The following LYRM4 variants were observed in gnomAD, a reference collection of about 807,000 sequenced individuals.
LYRM4 encodes the protein LYR motif-containing protein 4.
In LYRM4, 9 loss-of-function variants were observed where a neutral mutation model predicts 11.7. That is an observed-to-expected ratio of 0.77 (90% CI 0.46 to 1.34). The LOEUF is 1.34. Ranked by LOEUF, LYRM4 falls within the 40% of genes most tolerant of loss-of-function variation. LYRM4 has a pLI of 0.00. For synonymous variants in LYRM4, 42 were observed against 40.4 expected (o/e 1.04, Z -0.15); for missense variants, 133 against 112.5 (o/e 1.18, Z -0.82).
chr6:5,072,418 G>T, the LYRM4 span, among the ~76,000 whole-genome samples: 3 of 152,018 alleles, frequency 2.0e-5, no homozygotes, highest in Admixed American at 6.6e-5. Context: ...TTCCACAATG[G>T]TTAAACTAAT....
At chr6:5,135,606 G>C (rs907969490) in intron 2 of LYRM4, among the ~76,000 whole-genome samples, 1 of 152,048 alleles carries the variant, frequency 6.6e-6, no homozygotes, top group African/African-American at 2.4e-5. Flanking sequence ...TCCCTAGGTG[G>C]TGTTCATTTC....
chr6:5,240,967 G>A (rs1763842821), intron 1 of LYRM4, among the ~76,000 whole-genome samples: 2 of 152,314 alleles, frequency 1.3e-5, no homozygotes, highest in Non-Finnish European at 2.9e-5. Context: ...CTGAACCAAC[G>A]TGGAATACGG....
At position 5,108,639 on chromosome 6, in the gene LYRM4, G is replaced by T; in HGVS notation, c.*784C>A. On this transcript the variant is annotated 3_prime_UTR_variant, in exon 3 of 3. Coordinates refer to ENST00000330636, the MANE Select transcript of LYRM4 (RefSeq NM_020408.6). Reference sequence around the variant, plus strand: ...TCCAGGTGCTTCTGTCCACCAGCCAGATTTGGGCACCGGTGCTGCCCAGCA... The same window carrying T: ...TCCAGGTGCTTCTGTCCACCAGCCATATTTGGGCACCGGTGCTGCCCAGCA... 1 of 456,026 alleles carries T rather than the reference G, an allele frequency of 2.2e-6. No homozygotes were observed. Among genetic ancestry groups the T allele is most frequent in the Non-Finnish European group, 2.9e-6 (1 of 345,736 alleles). 28.2% of individuals were successfully genotyped at this position (456,026 alleles called of 1,614,324 possible).
rs890828988 is a variant in LYRM4, at chr6:5,143,468, CAAT to C, written c.208-33980_208-33978del. Among the ~76,000 whole-genome samples, 61 of 152,308 alleles carry C rather than the reference CAAT, an allele frequency of 4.0e-4. 1 individual carries two copies. The highest frequency in any genetic ancestry group is 1.3e-3 in the African/African-American group (56 of 41,564). Reference sequence around the variant, plus strand: ...ACAGACATCGGGAGGTTGACAGACACAATAACAGGACCTATTATAAAGACAAAC... The same window carrying C: ...ACAGACATCGGGAGGTTGACAGACACAACAGGACCTATTATAAAGACAAAC... On this transcript the variant is annotated intron_variant, in intron 2 of 2. Transcript: ENST00000330636.
intron 2 of LYRM4, among the ~76,000 whole-genome samples, chr6:5,197,743 C>T (rs1455552118): frequency 2.6e-5 from 4 of 152,008 alleles, no homozygotes; most frequent in African/African-American, 4.8e-5. Context: ...TTTGGAGGAC[C>T]TGAGCAAAGT....
In LYRM4 at chr6:5,195,155, C is replaced by T. The variant is rs1760977346; in HGVS notation, c.207+21463G>A. Among the ~76,000 whole-genome samples, 5 of 152,318 alleles carry T rather than the reference C, an allele frequency of 3.3e-5. No individual in the cohort carries two copies. In the South Asian group the frequency reaches 1.0e-3, roughly 32 times the overall value. On this transcript the variant is annotated intron_variant, in intron 2 of 2. Coordinates refer to ENST00000330636, the MANE Select transcript of LYRM4 (RefSeq NM_020408.6). Reference sequence around the variant, plus strand: ...TCCTACCTTTCATTCTTGCAGCTCACAGGACGGCCCTGCAAAATCTTGAAG... The same window carrying T: ...TCCTACCTTTCATTCTTGCAGCTCATAGGACGGCCCTGCAAAATCTTGAAG...
At chr6:5,223,830 T>G (rs555131248) in intron 1 of LYRM4, among the ~76,000 whole-genome samples, 1 of 152,318 alleles carries the variant, frequency 6.6e-6, no homozygotes, top group East Asian at 1.9e-4. Flanking sequence ...ATTTTGGAGA[T>G]CAAAGCTTCG....
the LYRM4 span, among the ~76,000 whole-genome samples, chr6:5,072,153 A>C: frequency 3.3e-5 from 5 of 152,186 alleles, no homozygotes; most frequent in Non-Finnish European, 7.3e-5. Context: ...AAAGGACATA[A>C]TCTTGTTCCT....
At chr6:5,152,763 C>G (rs1285261324) in intron 2 of LYRM4, among the ~76,000 whole-genome samples, 1 of 152,214 alleles carries the variant, frequency 6.6e-6, no homozygotes, top group Non-Finnish European at 1.5e-5. Flanking sequence ...AAGCCTTCCT[C>G]TTGGGCCTCC....
intron 2 of LYRM4, among the ~76,000 whole-genome samples, chr6:5,124,262 C>T (rs73361359): frequency 0.012 from 1,850 of 152,250 alleles, 45 homozygotes; most frequent in African/African-American, 0.043. Flanking sequence ...GCCTTGGCCT[C>T]CACACCAGAA....
chr6:5,123,444 AC>A (rs1234931892), intron 2 of LYRM4, among the ~76,000 whole-genome samples: 4 of 151,916 alleles, frequency 2.6e-5, no homozygotes, highest in Admixed American at 6.6e-5. Context: ...CTTCTGTAGG[AC>A]CCCCACATCG....
At chr6:5,073,515 TA>T in the LYRM4 span, among the ~76,000 whole-genome samples, 2 of 148,234 alleles carry the variant, frequency 1.3e-5, no homozygotes, top group Non-Finnish European at 3.0e-5. Context: ...TATCTCTCTA[TA>T]TATCTATATG....
intron 2 of LYRM4, among the ~76,000 whole-genome samples, chr6:5,194,087 G>A (rs1395792059): frequency 9.1e-6 from 1 of 109,946 alleles, no homozygotes; most frequent in Admixed American, 1.1e-4. Flanking sequence ...GTGGGGGGTG[G>A]GGGAAGAGAA....
chr6:5,225,114 G>C (rs576972171), intron 1 of LYRM4, among the ~76,000 whole-genome samples: 14 of 152,166 alleles, frequency 9.2e-5, no homozygotes, highest in East Asian at 3.9e-4. Context: ...TGGGCGTGGT[G>C]GTGGGCGCCT....
chr6:5,084,260 G>A, the LYRM4 span, among the ~76,000 whole-genome samples: 203 of 152,292 alleles, frequency 1.3e-3, no homozygotes, highest in African/African-American at 4.7e-3. Context: ...ACTTTTAGAC[G>A]TTCCCCCAAT....
chr6:5,135,958 G>A (rs1404650724), intron 2 of LYRM4, among the ~76,000 whole-genome samples: 2 of 152,042 alleles, frequency 1.3e-5, no homozygotes, highest in African/African-American at 4.8e-5. Flanking sequence ...TCTACTTTCC[G>A]TCTGTAGGGG....
chr6:5,124,057 G>A (rs1430980412), intron 2 of LYRM4, among the ~76,000 whole-genome samples: 1 of 152,130 alleles, frequency 6.6e-6, no homozygotes, highest in Non-Finnish European at 1.5e-5. Flanking sequence ...CAGGGCCGTG[G>A]AGAGGGCGGG....
intron 1 of LYRM4, among the ~76,000 whole-genome samples, chr6:5,248,359 C>A (rs913811272): frequency 1.3e-5 from 2 of 152,216 alleles, no homozygotes; most frequent in East Asian, 1.9e-4. Flanking sequence ...GCCTCTATGT[C>A]TTCCGCGTCT....
At position 5,109,203 on chromosome 6, in the gene LYRM4, C is replaced by T. The variant is rs972301016; in HGVS notation, c.*220G>A. On this transcript the variant is annotated 3_prime_UTR_variant, in exon 3 of 3. Coordinates refer to ENST00000330636, the MANE Select transcript of LYRM4 (RefSeq NM_020408.6). ...TGGTAACACACAGCACTATTCTGAACGAACTCCAGCTCTCCATTCTAACAC... is the reference window on the plus strand; with the variant it reads ...TGGTAACACACAGCACTATTCTGAATGAACTCCAGCTCTCCATTCTAACAC... The T allele has an allele frequency of 1.1e-5, 15 of 1,411,310 alleles. No homozygotes were observed. Among genetic ancestry groups the T allele is most frequent in the Admixed American group, 8.5e-5 (3 of 35,338 alleles). The allele number at this position is 1,411,310 out of a possible 1,614,324, so 87.4% of individuals were successfully genotyped here. A position where few individuals can be genotyped will look rare whatever the true frequency, so the allele number is the denominator to read the frequency against.
Sources: gnomAD v4.1 joint callset for allele counts (sites outside exome capture counted in the v4.1 genomes callset) on GRCh38, gnomAD v4.1.1 for gene constraint, MANE v1.5 for transcripts, NCBI Gene and HGNC (gene_info 2026-07-23, HGNC 2026-07-21) for gene names.